The following DRC7 variants were observed in gnomAD, a reference collection of about 807,000 sequenced individuals.
DRC7 encodes the protein coiled-coil domain containing 135.
A neutral mutation model predicts 104.4 loss-of-function variants in DRC7; 80 were observed. The observed-to-expected ratio is 0.77, with a 90% CI of 0.64 to 0.92. The LOEUF (loss-of-function observed/expected upper bound fraction) is 0.92, where lower values mean the gene tolerates loss of function less well. Ranked by LOEUF, DRC7 falls within the 40% of genes least tolerant of loss-of-function variation. DRC7 has a pLI of 0.00. For missense variants in DRC7, 1,034 were observed against 1,141.1 expected (o/e 0.91, Z 1.35); for synonymous variants, 405 against 447.3 (o/e 0.91, Z 1.19).
chr16:57,721,533 G>T, intron 9 of DRC7, 134 bp from the exon 10 acceptor site: 1 of 667,838 alleles, frequency 1.5e-6, no homozygotes, highest in South Asian at 1.8e-5. Context: ...TCGTGCTCAT[G>T]ACCTCCAGTT....
chr16:57,696,996 T>C (rs541747756), intron 2 of DRC7, among the ~76,000 whole-genome samples: 227 of 152,312 alleles, frequency 1.5e-3, no homozygotes, highest in Middle Eastern at 3.4e-3. Flanking sequence ...TACTGCAACC[T>C]CTGCCTCCCA....
chr16:57,709,674 A>G (rs1469603385), intron 8 of DRC7, among the ~76,000 whole-genome samples: 1 of 152,216 alleles, frequency 6.6e-6, no homozygotes, highest in Non-Finnish European at 1.5e-5. Context: ...CATAACATAA[A>G]TCCACTAAAG....
At chr16:57,727,929 G>C (rs1333776543) in intron 16 of DRC7, among the ~76,000 whole-genome samples, 1 of 152,238 alleles carries the variant, frequency 6.6e-6, no homozygotes, top group Non-Finnish European at 1.5e-5. Flanking sequence ...CCAGGGGAGG[G>C]TGTCAGCCCC....
Position 57,723,167 on chromosome 16 carries a change from T to C in DRC7, c.1537+37T>C, listed in dbSNP as rs200982141. The C allele has an allele frequency of 4.2e-5, 67 of 1,607,004 alleles. No individual in the cohort carries two copies. The Admixed American group carries it at 1.1e-3, about 27-fold the overall frequency. ...CCCTTTCCTGGGCCACCCAGGAGCC[T>C]GGGGTAGAGGCCTCACACACCCTGT... On this transcript the variant is annotated intron_variant, in intron 12 of 18. Coordinates refer to ENST00000360716, the MANE Select transcript of DRC7 (RefSeq NM_001289162.2).
intron 12 of DRC7, 85 bp downstream of exon 12, chr16:57,723,215 G>A (rs2048925088): frequency 6.7e-7 from 1 of 1,500,706 alleles, no homozygotes; most frequent in African/African-American, 1.4e-5. Flanking sequence ...GTGGTGGCAG[G>A]AACCAGCATA....
intron 6 of DRC7, 143 bp from the exon 7 acceptor site, chr16:57,704,733 T>C (rs2048693764): frequency 1.2e-6 from 1 of 817,700 alleles, no homozygotes; most frequent in African/African-American, 1.7e-5. Context: ...GAGCTGCATT[T>C]AGAGCCAGAA....
rs577827684 is a variant in DRC7, at chr16:57,725,292, T to C, written c.1758+457T>C. On this transcript the variant is annotated intron_variant, in intron 13 of 18. Transcript: ENST00000360716. ...CTCACTCACTATCACGAGAATAGCA[T>C]GGGGGAAACCACCTCCATGATTCAA... Among the ~76,000 whole-genome samples, 6 of 152,186 alleles carry C rather than the reference T, an allele frequency of 3.9e-5. No individual in the cohort carries two copies. In the South Asian group the frequency reaches 1.2e-3, roughly 32 times the overall value.
rs375048759 is a variant in DRC7 at position 57,726,107 on chromosome 16, G to A, written c.1798G>A (p.Ala600Thr). ...ERFFRNPAKPAEEDVAERVFL... is the reference protein window; with the variant it reads ...ERFFRNPAKPTEEDVAERVFL... ...GTTCTTCCGCAACCCAGCGAAGCCC[G>A]CGGAGGAGGACGTGGCAGAGCGCGT... is the stretch of plus-strand genomic sequence containing the variant. The change falls in exon 14 of 19, where the codon GCG becomes ACG. Residue 600 changes from alanine (A) to threonine (T), a missense_variant. Transcript: ENST00000360716. The A allele has an allele frequency of 6.2e-7, 1 of 1,613,346 alleles. No individual in the cohort carries two copies. The highest frequency in any genetic ancestry group is 1.7e-5 in the Admixed American group (1 of 60,022).
intron 17 of DRC7, among the ~76,000 whole-genome samples, chr16:57,730,204 AATGG>A (rs541770827): frequency 6.4e-4 from 61 of 95,674 alleles, no homozygotes; most frequent in African/African-American, 2.4e-3. Flanking sequence ...TGGATGGATG[AATGG>A]ATGGATGGGT....
chr16:57,723,124 C>T lies in DRC7; in HGVS notation c.1531C>T (p.Leu511=). ...CTTCAAGCCTGGCCACCCCCAGGCT[C>T]TGCGCGGTGCGTGGCTCCCCTTTCC... ...DYFKPGHPQA[L]RVHSYKSMQP... is the part of the protein sequence containing the mutation. The change falls in exon 12 of 19, where the codon CTG becomes TTG. Residue 511 remains leucine (L), a synonymous_variant. Transcript: ENST00000360716. 6.2e-7 allele frequency: 1 copy of T among 1,613,594 alleles called. No individual in the cohort carries two copies. Among genetic ancestry groups the T allele is most frequent in the Non-Finnish European group, 8.5e-7 (1 of 1,179,908 alleles).
chr16:57,712,405 C>T (rs1380005746), intron 8 of DRC7, among the ~76,000 whole-genome samples: 6 of 152,158 alleles, frequency 3.9e-5, no homozygotes, highest in Admixed American at 3.3e-4. Flanking sequence ...GCCTTGGCCC[C>T]GTTTTAGCTA....
At chr16:57,707,354 C>A (rs1850419183) in intron 7 of DRC7, 106 bp from the exon 8 acceptor site, 2 of 1,009,470 alleles carry the variant, frequency 2.0e-6, no homozygotes, top group African/African-American at 1.6e-5. Context: ...CAGTCTACAT[C>A]AGAACTCAGC....
At chr16:57,696,861 T>G (rs2048597937) in intron 2 of DRC7, among the ~76,000 whole-genome samples, 1 of 152,220 alleles carries the variant, frequency 6.6e-6, no homozygotes. Context: ...CATTTTTGGG[T>G]GGGTTGTAGA....
chr16:57,709,119 ACT>A (rs1210957024), intron 8 of DRC7, among the ~76,000 whole-genome samples: 4 of 129,622 alleles, frequency 3.1e-5, no homozygotes, highest in African/African-American at 1.3e-4. Context: ...ACAAAGCAAG[ACT>A]CTGTCTCAAA....
intron 9 of DRC7, among the ~76,000 whole-genome samples, chr16:57,721,111 G>A (rs1269912251): frequency 2.6e-5 from 4 of 152,118 alleles, no homozygotes; most frequent in Non-Finnish European, 2.9e-5. Flanking sequence ...AGCTACTCAG[G>A]AGGCTGAGGC....
intron 9 of DRC7, among the ~76,000 whole-genome samples, chr16:57,719,393 T>C (rs2048879321): frequency 1.3e-5 from 2 of 152,226 alleles, no homozygotes; most frequent in African/African-American, 2.4e-5. Context: ...ACAGGGTTGG[T>C]TCCTTCTGAG....
intron 12 of DRC7, among the ~76,000 whole-genome samples, chr16:57,724,309 CAAAAAAAA>C (rs35767816): frequency 3.7e-5 from 3 of 80,704 alleles, no homozygotes; most frequent in Admixed American, 2.7e-4. Flanking sequence ...GGCTGTGTCT[CAAAAAAAA>C]AAAAAAAAAA....
intron 6 of DRC7, among the ~76,000 whole-genome samples, chr16:57,703,967 CAAA>C (rs35232247): frequency 0.035 from 2,231 of 64,440 alleles, 36 homozygotes; most frequent in East Asian, 0.15. Flanking sequence ...ACTCTGGCTC[CAAA>C]AAAAAAAAAA....
At chr16:57,701,701 T>A in intron 5 of DRC7, 2 of 520,964 alleles carry the variant, frequency 3.8e-6, no homozygotes, top group Non-Finnish European at 6.9e-6. Flanking sequence ...GGTTTCCCCC[T>A]ATCAGGAAGT....
Sources: allele counts gnomAD v4.1 joint callset (sites outside exome capture counted in the v4.1 genomes callset), GRCh38; gene constraint gnomAD v4.1.1; transcripts MANE v1.5; gene names NCBI Gene and HGNC (gene_info 2026-07-23, HGNC 2026-07-21).